Variants in WDR5 observed in about 807,000 individuals in gnomAD.
The protein encoded by WDR5 is WD repeat domain 5.
For synonymous variants in WDR5, 144 were observed against 161.6 expected, an observed-to-expected ratio of 0.89 and a Z score of 0.83; for missense variants, 187 against 416.9, an observed-to-expected ratio of 0.45 and a Z score of 4.80.
chr9:134,154,595 C>T (rs1832666738), intron 10 of WDR5, 54 bp downstream of exon 10: 1 of 1,581,956 alleles, frequency 6.3e-7, no homozygotes, highest in Non-Finnish European at 8.7e-7. Flanking sequence ...CAGCCAGAGA[C>T]ACCTGCGTGC....
intron 7 of WDR5, among the ~76,000 whole-genome samples, chr9:134,147,748 A>G (rs900787791): frequency 6.6e-6 from 1 of 152,180 alleles, no homozygotes; most frequent in Non-Finnish European, 1.5e-5. Flanking sequence ...GGCTGGGTGC[A>G]GTGGCTCATG....
In WDR5 at chr9:134,148,324, A is replaced by G. The variant is rs1235101906; in HGVS notation, c.565A>G (p.Ser189Gly). Residue 189 changes from serine to glycine, a missense_variant, in exon 8 of 14, where the codon AGT (serine) becomes GGT (glycine). By Grantham distance (56) the Ser-to-Gly change is moderately conservative. Transcript: ENST00000358625. ...TCGTGATGGATCCTTGATAGTTTCA[A>G]GTAGCTATGATGGTCTCTGGTAAGT... ...FNRDGSLIVS[S>G]SYDGLCRIWD... The G allele has an allele frequency of 1.9e-6, 3 of 1,612,170 alleles. No homozygotes were observed. The highest frequency in any genetic ancestry group is 1.3e-5 in the African/African-American group (1 of 74,600).
intron 8 of WDR5, among the ~76,000 whole-genome samples, chr9:134,151,432 G>A (rs184150401): frequency 4.5e-4 from 68 of 152,322 alleles, no homozygotes; most frequent in African/African-American, 1.5e-3. Context: ...AATTGTGGGT[G>A]CTAACACAGT....
Position 134,145,096 on chromosome 9 carries a change from G to GTT in WDR5, c.528+2396_528+2397dup, listed in dbSNP as rs56864188. Among the ~76,000 whole-genome samples, 699 of 104,644 alleles carry GTT rather than the reference G, an allele frequency of 6.7e-3. 40 individuals carry two copies. Among genetic ancestry groups the GTT allele is most frequent in the African/African-American group, 0.013 (371 of 29,124 alleles). The allele number at this position is 104,644 out of a possible 152,430, so 68.7% of individuals were successfully genotyped here. On this transcript the variant is annotated intron_variant, in intron 7 of 13. Transcript: ENST00000358625. ...ACTGCAGAGAGGTTTGTGGGGCTTT[G>GTT]TTTTTTTTTTTTTTTTTTTTGAAAC...
At chr9:134,149,215 C>T (rs998880341) in intron 8 of WDR5, among the ~76,000 whole-genome samples, 2 of 152,218 alleles carry the variant, frequency 1.3e-5, no homozygotes, top group Admixed American at 6.5e-5. Flanking sequence ...CTTGAGAAGA[C>T]GGGTCTGGTG....
intron 8 of WDR5, among the ~76,000 whole-genome samples, chr9:134,149,791 A>G (rs1019127840): frequency 2.0e-5 from 3 of 152,192 alleles, no homozygotes; most frequent in Non-Finnish European, 2.9e-5. Flanking sequence ...AATAAGCAAG[A>G]TGAGAACTAG....
chr9:134,155,962 G>A (rs1001899534), intron 12 of WDR5, among the ~76,000 whole-genome samples, 195 bp downstream of exon 12: 1 of 152,070 alleles, frequency 6.6e-6, no homozygotes, highest in Admixed American at 6.5e-5. Context: ...TCTCCTTAAC[G>A]GAGGCAGGCA....
At chr9:134,140,585 G>A (rs1346295157) in intron 2 of WDR5, 118 bp from the exon 3 acceptor site, 8 of 839,876 alleles carry the variant, frequency 9.5e-6, no homozygotes, top group Non-Finnish European at 1.6e-5. Context: ...CACTGGGCAT[G>A]TGGATTTGGA....
intron 8 of WDR5, 73 bp from the exon 9 acceptor site, chr9:134,151,910 T>C (rs1832509665): frequency 6.7e-7 from 1 of 1,495,482 alleles, no homozygotes; most frequent in African/African-American, 1.4e-5. Context: ...CTAAAATTTA[T>C]ATCTGACTCC....
intron 7 of WDR5, among the ~76,000 whole-genome samples, chr9:134,145,692 C>T (rs1227718616): frequency 6.6e-6 from 1 of 152,186 alleles, no homozygotes; most frequent in African/African-American, 2.4e-5. Flanking sequence ...CATCCCTGTC[C>T]CCTCTCTGGC....
intron 2 of WDR5, 46 bp from the exon 3 acceptor site, chr9:134,140,657 G>A: frequency 1.3e-6 from 2 of 1,522,492 alleles, no homozygotes; most frequent in Non-Finnish European, 1.8e-6. Flanking sequence ...GTCACGGGTG[G>A]AACGTACAGT....
rs934864942 is a variant in WDR5, at chr9:134,157,077, C to T, written c.904+484C>T. Among the ~76,000 whole-genome samples, 2 of 152,098 alleles carry T rather than the reference C, an allele frequency of 1.3e-5. No individual in the cohort carries two copies. Among genetic ancestry groups the T allele is most frequent in the African/African-American group, 4.8e-5 (2 of 41,418 alleles). On this transcript the variant is annotated intron_variant, in intron 13 of 13. Coordinates refer to ENST00000358625, the MANE Select transcript of WDR5 (RefSeq NM_017588.3). This position sits in a 1 kb window ranked among gnomAD's most constrained non-coding sequence, Gnocchi z 5.0. ...CCTGGGGTTGCCACCTCTGTGGGTC[C>T]CGGCTGCCCTCTGCAGCCGCCGCTA...
intron 7 of WDR5, among the ~76,000 whole-genome samples, chr9:134,143,923 T>G (rs1412935523): frequency 2.0e-5 from 3 of 152,204 alleles, no homozygotes; most frequent in African/African-American, 7.2e-5. Flanking sequence ...AAAGTTCTTT[T>G]GTTAACAAAG....
At chr9:134,143,531 CT>C (rs558531986) in intron 7 of WDR5, among the ~76,000 whole-genome samples, 143 of 137,772 alleles carry the variant, frequency 1.0e-3, no homozygotes, top group Middle Eastern at 3.7e-3. Context: ...GAAACTCTGT[CT>C]TTTTTTTTTT....
In WDR5 at chr9:134,154,528, G is replaced by A. The variant is rs1832661717; in HGVS notation, c.694G>A (p.Ala232Thr). 5 of 1,614,158 alleles carry A rather than the reference G, an allele frequency of 3.1e-6. No homozygotes were observed. The highest frequency in any genetic ancestry group is 2.2e-5 in the South Asian group (2 of 91,084). ...CCCGAACGGCAAATACATCCTGGCC[G>A]CCACGCTGGACAAGTGAGTACTGCG... ...FSPNGKYILAATLDNTLKLWD... is the reference protein window; with the variant it reads ...FSPNGKYILATTLDNTLKLWD... Residue 232 changes from alanine to threonine, a missense_variant, in exon 10 of 14, where the codon GCC becomes ACC. Transcript: ENST00000358625.
At chr9:134,151,950 T>C (rs1832512773) in intron 8 of WDR5, 33 bp from the exon 9 acceptor site, 2 of 1,610,450 alleles carry the variant, frequency 1.2e-6, no homozygotes, top group Non-Finnish European at 1.7e-6. Context: ...ATAACTTGTC[T>C]GCTTACGCTT....
intron 5 of WDR5, 68 bp downstream of exon 5, chr9:134,142,106 T>G: frequency 6.9e-7 from 1 of 1,455,148 alleles, no homozygotes; most frequent in Non-Finnish European, 9.5e-7. Flanking sequence ...TGCGGGGGAC[T>G]GAGTTGACTG....
In WDR5 at chr9:134,157,438, A is replaced by G. The variant is rs1031175477; in HGVS notation, c.905-455A>G. Among the ~76,000 whole-genome samples, 1 of 152,166 alleles carries G rather than the reference A, an allele frequency of 6.6e-6. No individual in the cohort carries two copies. The highest frequency in any genetic ancestry group is 3.4e-3 in the Middle Eastern group (1 of 294). The stretch of plus-strand genomic sequence containing the variant: ...CCTGTGGGGTGCTCTGGGGCTTAGC[A>G]TTGGGGGGAGGCGGTGGGAGTGGGC... On this transcript the variant is annotated intron_variant, in intron 13 of 13. Coordinates refer to ENST00000358625, the MANE Select transcript of WDR5 (RefSeq NM_017588.3). This position sits in a 1 kb window ranked among gnomAD's most constrained non-coding sequence, Gnocchi z 5.0.
rs767710150 is a variant in WDR5, at chr9:134,148,271, C to T, written c.529-17C>T. ...GAAAGTAAGTTTTTGTCTCTTCTTC[C>T]TCTCCTTAATTCCTAGGTTCATTTT... On this transcript the variant is annotated splice_polypyrimidine_tract_variant and intron_variant, in intron 7 of 13. Transcript: ENST00000358625. 2 of 1,570,984 alleles carry T rather than the reference C, an allele frequency of 1.3e-6. No homozygotes were observed. The highest frequency in any genetic ancestry group is 1.7e-6 in the Non-Finnish European group (2 of 1,155,632).
Sources: gnomAD v4.1 joint callset for allele counts (sites outside exome capture counted in the v4.1 genomes callset) on GRCh38, gnomAD v4.1.1 for gene constraint, Gnocchi (gnomAD v3.1) non-coding constraint, MANE v1.5 for transcripts, NCBI Gene and HGNC (gene_info 2026-07-23, HGNC 2026-07-21) for gene names.